FOXP2: variants seen among roughly 807,000 people sequenced by gnomAD.
FOXP2 encodes the protein forkhead box P2.
FOXP2 carries 12 observed loss-of-function variants against 115.8 expected under a neutral mutation model. The observed-to-expected ratio is 0.10, with a 90% CI of 0.07 to 0.17. The LOEUF is 0.17. Among genes scored for constraint, FOXP2 ranks in the 10% least tolerant of loss-of-function variants. The probability of loss-of-function intolerance (pLI) is 1.00; values close to 1 mark genes in which losing one functional copy is unlikely to be tolerated. For missense variants in FOXP2, 629 were observed against 843.5 expected, an observed-to-expected ratio of 0.75 and a Z score of 3.15; for synonymous variants, 328 against 297.7, an observed-to-expected ratio of 1.10 and a Z score of -1.05.
chr7:114,266,575 G>A (rs937835291), intron 1 of FOXP2, among the ~76,000 whole-genome samples: 6 of 152,106 alleles, frequency 3.9e-5, no homozygotes, highest in Admixed American at 2.6e-4. Context: ...AACTCACTCA[G>A]TGTCTAAGAA....
intron 3 of FOXP2, among the ~76,000 whole-genome samples, chr7:114,564,866 G>A (rs1488190825): frequency 1.4e-5 from 2 of 140,490 alleles, no homozygotes; most frequent in Non-Finnish European, 1.5e-5. Context: ...TGGCAACAGA[G>A]CAAGGCCCTG....
chr7:114,192,236 T>C (rs2129157638), intron 1 of FOXP2, among the ~76,000 whole-genome samples: 1 of 152,202 alleles, frequency 6.6e-6, no homozygotes, highest in Non-Finnish European at 1.5e-5. Flanking sequence ...CTGCCCGCCT[T>C]TGCCTCCCAA....
intron 2 of FOXP2, among the ~76,000 whole-genome samples, chr7:114,393,116 A>G (rs1008773688): frequency 3.9e-5 from 6 of 152,138 alleles, no homozygotes; most frequent in East Asian, 1.9e-4. Context: ...AAGTACATAG[A>G]ATATCAGGGT....
intron 2 of FOXP2, among the ~76,000 whole-genome samples, chr7:114,462,846 A>G (rs1330683947): frequency 6.6e-6 from 1 of 152,196 alleles, no homozygotes. Context: ...TTTGCAGTAA[A>G]TGTCTTGGGA....
chr7:114,225,510 T>A (rs1794724938), intron 1 of FOXP2, among the ~76,000 whole-genome samples: 1 of 152,134 alleles, frequency 6.6e-6, no homozygotes, highest in East Asian at 1.9e-4. Flanking sequence ...AGTAGCATGA[T>A]CATGGATCAC....
intron 2 of FOXP2, among the ~76,000 whole-genome samples, chr7:114,455,230 C>A (rs953961900): frequency 7.2e-5 from 11 of 152,188 alleles, no homozygotes; most frequent in African/African-American, 2.7e-4. Context: ...AACCCAAATT[C>A]TTTAGCTCAA....
chr7:114,507,615 C>A (rs1244748112), intron 2 of FOXP2, among the ~76,000 whole-genome samples: 2 of 151,904 alleles, frequency 1.3e-5, no homozygotes, highest in African/African-American at 4.8e-5. Flanking sequence ...AAGGATGTCA[C>A]AGCTGAAGTT....
intron 1 of FOXP2, among the ~76,000 whole-genome samples, chr7:114,176,004 A>T (rs141557089): frequency 6.6e-6 from 1 of 152,164 alleles, no homozygotes; most frequent in African/African-American, 2.4e-5. Flanking sequence ...TTCTCCCCCT[A>T]GATTTATTTT....
chr7:114,457,846 C>T (rs1472078274), intron 2 of FOXP2, among the ~76,000 whole-genome samples: 2 of 148,686 alleles, frequency 1.3e-5, no homozygotes, highest in Admixed American at 6.8e-5. Flanking sequence ...CGCAGTGAGC[C>T]GAGATCGTGC....
At chr7:114,661,905 A>T in intron 13 of FOXP2, 160 bp from the exon 14 acceptor site, 1 of 828,434 alleles carries the variant, frequency 1.2e-6, no homozygotes, top group Non-Finnish European at 1.9e-6. Context: ...AGTAATTTGT[A>T]AGTTTGAGGT....
At chr7:114,406,804 G>A (rs573216161) in intron 2 of FOXP2, among the ~76,000 whole-genome samples, 3 of 151,874 alleles carry the variant, frequency 2.0e-5, no homozygotes, top group African/African-American at 2.4e-5. Flanking sequence ...CTCAGTTCCC[G>A]CTTTACCTCC....
chr7:114,309,294 G>C (rs1221111824), intron 2 of FOXP2, among the ~76,000 whole-genome samples: 1 of 152,144 alleles, frequency 6.6e-6, no homozygotes, highest in Non-Finnish European at 1.5e-5. Context: ...CTGGTTTCTT[G>C]TTATCTATAA....
intron 1 of FOXP2, chr7:114,285,490 C>T (rs1247787140): frequency 6.6e-6 from 1 of 152,034 alleles, no homozygotes; most frequent in Non-Finnish European, 1.5e-5. Flanking sequence ...GAGATTTAAG[C>T]TAATATATTT....
chr7:114,667,834 T>C (rs1190414519), intron 16 of FOXP2: 1 of 152,092 alleles, frequency 6.6e-6, no homozygotes. Flanking sequence ...AACTCATGTA[T>C]AGGAGAATAT....
chr7:114,115,479 T>G (rs915123039), intron 1 of FOXP2, among the ~76,000 whole-genome samples: 2 of 152,148 alleles, frequency 1.3e-5, no homozygotes, highest in African/African-American at 4.8e-5. Flanking sequence ...TCCTTTCCCC[T>G]GGCTCTCTGC....
chr7:114,594,134 A>G (rs1453884774), intron 3 of FOXP2, among the ~76,000 whole-genome samples: 2 of 152,076 alleles, frequency 1.3e-5, no homozygotes, highest in Admixed American at 6.6e-5. Context: ...TGTTTTAACC[A>G]TATATATTAA....
chr7:114,631,156 A>C, intron 5 of FOXP2: 1 of 295,606 alleles, frequency 3.4e-6, no homozygotes, highest in Non-Finnish European at 6.5e-6. Flanking sequence ...AAACTTATTC[A>C]ATTGGAAAAA....
At chr7:114,200,776 T>C (rs1313448989) in intron 1 of FOXP2, among the ~76,000 whole-genome samples, 1 of 152,192 alleles carries the variant, frequency 6.6e-6, no homozygotes, top group Non-Finnish European at 1.5e-5. Flanking sequence ...AATTACTTTT[T>C]TCCCCTATGC....
chr7:114,286,865 G>A (rs1181004160), intron 1 of FOXP2, among the ~76,000 whole-genome samples: 1 of 151,996 alleles, frequency 6.6e-6, no homozygotes, highest in Admixed American at 6.6e-5. Context: ...ACCAGAATAC[G>A]TGATTGTTAA....
Sources: gnomAD v4.1 joint callset for allele counts (sites outside exome capture counted in the v4.1 genomes callset) on GRCh38, gnomAD v4.1.1 for gene constraint, MANE v1.5 for transcripts, NCBI Gene and HGNC (gene_info 2026-07-23, HGNC 2026-07-21) for gene names.